Variants in PCDHA5 observed in about 807,000 individuals in gnomAD.
The protein encoded by PCDHA5 is protocadherin alpha-5.
PCDHA5 carries 43 observed loss-of-function variants against 61.6 expected under a neutral mutation model. That is an observed-to-expected ratio of 0.70 (90% CI 0.55 to 0.90). The LOEUF (loss-of-function observed/expected upper bound fraction) is 0.90. Ranked by LOEUF, PCDHA5 falls within the 40% of genes least tolerant of loss-of-function variation. The pLI is 0.00. For missense variants in PCDHA5, 1,298 were observed against 1,222.7 expected (o/e 1.06, Z -0.92); for synonymous variants, 627 against 543.9 (o/e 1.15, Z -2.13).
At chr5:140,841,667 G>A in intron 1 of PCDHA5, 1 of 1,614,090 alleles carries the variant, frequency 6.2e-7, no homozygotes, top group Non-Finnish European at 8.5e-7. Flanking sequence ...GCCGCTGCAG[G>A]TTTTCCATGT....
chr5:140,874,318 T>A (rs1169216245), intron 1 of PCDHA5, among the ~76,000 whole-genome samples: 1 of 151,782 alleles, frequency 6.6e-6, no homozygotes, highest in African/African-American at 2.4e-5. Context: ...AGTTGTAGGA[T>A]CTTATCTGTT....
intron 1 of PCDHA5, among the ~76,000 whole-genome samples, chr5:140,960,278 T>A (rs2095536864): frequency 6.6e-6 from 1 of 152,192 alleles, no homozygotes. Context: ...CGTCACCTTT[T>A]TGGGACCCAG....
intron 1 of PCDHA5, chr5:140,829,626 C>T (rs2150171647): frequency 1.2e-6 from 2 of 1,612,184 alleles, no homozygotes; most frequent in South Asian, 1.1e-5. Flanking sequence ...TCGGTGCACG[C>T]GGAGAGCGGC....
intron 1 of PCDHA5, chr5:140,862,463 G>C (rs2047375519): frequency 2.7e-6 from 1 of 370,738 alleles, no homozygotes. Flanking sequence ...TGGACCAAGA[G>C]AGCAAATCTA....
rs376697527 is a variant in PCDHA5, at chr5:140,912,219, T to G, written c.2353-66730T>G. ...CCCAGATTGAGGGTAGATCTGCCTT[T>G]CCCAGTCCACTGACTCAAATGTTAA... On this transcript the variant is annotated intron_variant, in intron 1 of 3. Transcript: ENST00000529859. 4.3e-4 allele frequency among the ~76,000 whole-genome samples: 66 copies of G among 152,026 alleles called. 1 individual carries two copies. In the South Asian group the frequency reaches 0.013, roughly 30 times the overall value.
At chr5:140,952,325 T>G in intron 1 of PCDHA5, among the ~76,000 whole-genome samples, 1 of 133,382 alleles carries the variant, frequency 7.5e-6, no homozygotes, top group Non-Finnish European at 1.6e-5. Context: ...GCAACAAGAG[T>G]GAAACTCCAT....
rs1554129642 is a variant in PCDHA5, at chr5:140,823,877, T to C, written c.2102T>C (p.Ile701Thr). ...GTGGATGTCAACGTGTACCTGATCA[T>C]CGCCATCTGTGCGGTGTCCAGCCTG... ...ALVDVNVYLI[I>T]AICAVSSLLV... The change falls in exon 1 of 4, where the codon ATC becomes ACC. Residue 701 changes from isoleucine to threonine, a missense_variant. Coordinates refer to ENST00000529859, the MANE Select transcript of PCDHA5 (RefSeq NM_018908.3). 6.2e-7 allele frequency: 1 copy of C among 1,613,762 alleles called. No individual in the cohort carries two copies. The highest frequency in any genetic ancestry group is 1.3e-5 in the African/African-American group (1 of 74,904).
intron 1 of PCDHA5, chr5:140,928,710 T>C (rs1370353227): frequency 3.7e-6 from 6 of 1,614,192 alleles, no homozygotes; most frequent in Non-Finnish European, 5.1e-6. Context: ...CGTCTGACTC[T>C]AGTCTCTTTA....
intron 1 of PCDHA5, among the ~76,000 whole-genome samples, chr5:140,952,816 C>T (rs2094802630): frequency 6.6e-6 from 1 of 152,134 alleles, no homozygotes; most frequent in South Asian, 2.1e-4. Context: ...GCAGGCTGTA[C>T]AGGAAGCATG....
intron 1 of PCDHA5, chr5:140,843,642 C>G (rs1352929745): frequency 1.9e-6 from 3 of 1,595,362 alleles, no homozygotes; most frequent in Non-Finnish European, 2.6e-6. Context: ...GCCTTCAGCC[C>G]CTGCCTTCCT....
chr5:140,965,326 A>T (rs184855153), intron 1 of PCDHA5, among the ~76,000 whole-genome samples: 1 of 152,298 alleles, frequency 6.6e-6, no homozygotes, highest in African/African-American at 2.4e-5. Context: ...TACTGAAGTG[A>T]ATTTGTTGTC....
chr5:140,856,716 G>A, intron 1 of PCDHA5: 1 of 1,596,628 alleles, frequency 6.3e-7, no homozygotes. Context: ...GAATTTACCG[G>A]ATCTGTTTCT....
chr5:140,972,957 C>T (rs369707081), intron 1 of PCDHA5, among the ~76,000 whole-genome samples: 1 of 152,054 alleles, frequency 6.6e-6, no homozygotes, highest in East Asian at 1.9e-4. Context: ...CCACCATGCC[C>T]GGCAAAGGAA....
intron 1 of PCDHA5, among the ~76,000 whole-genome samples, chr5:140,976,735 T>G (rs1412647375): frequency 1.3e-5 from 2 of 152,160 alleles, no homozygotes; most frequent in Non-Finnish European, 2.9e-5. Flanking sequence ...TTAAACACAT[T>G]TTAAAAACCT....
chr5:140,947,756 T>A (rs1354995389), intron 1 of PCDHA5, among the ~76,000 whole-genome samples: 1 of 151,644 alleles, frequency 6.6e-6, no homozygotes, highest in Non-Finnish European at 1.5e-5. Flanking sequence ...TATTTTATGG[T>A]TTAAAAAATT....
chr5:140,851,183 C>A, intron 1 of PCDHA5: 2 of 1,240,836 alleles, frequency 1.6e-6, no homozygotes, highest in Non-Finnish European at 1.0e-6. Context: ...ACTTGAAAAC[C>A]AATTTAGTTG....
chr5:140,916,161 G>C (rs1469456505), intron 1 of PCDHA5, among the ~76,000 whole-genome samples: 2 of 152,084 alleles, frequency 1.3e-5, no homozygotes, highest in African/African-American at 2.4e-5. Flanking sequence ...GGTGAATGCT[G>C]CCAGGCCTGG....
At chr5:140,858,160 G>T in intron 1 of PCDHA5, 1 of 1,597,718 alleles carries the variant, frequency 6.3e-7, no homozygotes, top group Non-Finnish European at 8.6e-7. Context: ...CCATCTGCGC[G>T]GTGTCCAGCT....
chr5:140,935,828 A>G (rs1365293166), intron 1 of PCDHA5, among the ~76,000 whole-genome samples: 1 of 152,004 alleles, frequency 6.6e-6, no homozygotes, highest in Non-Finnish European at 1.5e-5. Context: ...GTATTTACAC[A>G]TATTCCATAC....
Sources: allele counts gnomAD v4.1 joint callset (sites outside exome capture counted in the v4.1 genomes callset), GRCh38; gene constraint gnomAD v4.1.1; transcripts MANE v1.5; gene names NCBI Gene and HGNC (gene_info 2026-07-23, HGNC 2026-07-21).